ST8SIA5: variants seen among roughly 807,000 people sequenced by gnomAD.
ST8SIA5 encodes ST8 alpha-N-acetyl-neuraminide alpha-2,8-sialyltransferase 5, also known as alpha-2,8-sialyltransferase 8E.
A neutral mutation model predicts 40.2 loss-of-function variants in ST8SIA5; 24 were observed. That is an observed-to-expected ratio of 0.60 (90% confidence interval 0.43 to 0.84). The LOEUF (loss-of-function observed/expected upper bound fraction) is 0.84, where lower values mean the gene tolerates loss of function less well. ST8SIA5 is among the 40% of genes least tolerant of loss of function. The pLI, the probability that ST8SIA5 is intolerant of heterozygous loss-of-function variation, is 0.00. For missense variants in ST8SIA5, 465 were observed against 498.5 expected (o/e 0.93, Z 0.64); for synonymous variants, 198 against 201.8 (o/e 0.98, Z 0.16).
chr18:46,676,409 C>T lies in ST8SIA5; in HGVS notation c.*3633G>A, dbSNP rs928795415. ...CACCATGCCTGGCACAACATGAGCA[C>T]TCAATAAATATAATTTATTCACCAA... On this transcript the variant is annotated 3_prime_UTR_variant, in exon 7 of 7. Transcript: ENST00000315087. 5 of 152,276 alleles carry T rather than the reference C, an allele frequency of 3.3e-5. No homozygotes were observed. Among genetic ancestry groups the T allele is most frequent in the African/African-American group, 1.2e-4 (5 of 41,464 alleles). The allele number at this position is 152,276 out of a possible 1,614,324, so 9.4% of individuals were successfully genotyped here.
chr18:46,704,053 A>G (rs1378656194), intron 2 of ST8SIA5, among the ~76,000 whole-genome samples: 1 of 152,222 alleles, frequency 6.6e-6, no homozygotes, highest in East Asian at 1.9e-4. Flanking sequence ...AAGGATACCC[A>G]AAGCCACATC....
intron 1 of ST8SIA5, among the ~76,000 whole-genome samples, chr18:46,727,279 TCAGCTTTTCTCTGTTGTGTG>T (rs1249727630): frequency 6.6e-6 from 1 of 152,242 alleles, no homozygotes; most frequent in African/African-American, 2.4e-5. Flanking sequence ...TTATGGAGGC[TCAGCTTTTCTCTGTTGTGTG>T]GTTATTGCTG....
In ST8SIA5 at chr18:46,717,141, C is replaced by T. The variant is rs370583384; in HGVS notation, c.132-12477G>A. Among the ~76,000 whole-genome samples, 3 of 152,330 alleles carry T rather than the reference C, an allele frequency of 2.0e-5. No individual in the cohort carries two copies. In the East Asian group the frequency reaches 5.8e-4, roughly 29 times the overall value. Reference sequence around the variant, plus strand: ...ATCACCATGAGGGCACCGCTGCCTCCCCCTGCTCTCTGAGCAGTTGCTGGG... The same window carrying T: ...ATCACCATGAGGGCACCGCTGCCTCTCCCTGCTCTCTGAGCAGTTGCTGGG... On this transcript the variant is annotated intron_variant, in intron 1 of 6. Coordinates refer to ENST00000315087, the MANE Select transcript of ST8SIA5 (RefSeq NM_013305.6).
At chr18:46,705,657 C>A (rs1402942697) in intron 1 of ST8SIA5, among the ~76,000 whole-genome samples, 1 of 152,254 alleles carries the variant, frequency 6.6e-6, no homozygotes, top group African/African-American at 2.4e-5. Flanking sequence ...GCCCGGTGAG[C>A]CCTCTCCTCA....
chr18:46,719,674 C>CTT (rs1568267688), intron 1 of ST8SIA5, among the ~76,000 whole-genome samples: 3 of 151,000 alleles, frequency 2.0e-5, no homozygotes, highest in African/African-American at 7.3e-5. Flanking sequence ...CTTTCTCTTT[C>CTT]TTTTCTTTTT....
intron 1 of ST8SIA5, among the ~76,000 whole-genome samples, chr18:46,724,577 A>G (rs2039895452): frequency 1.3e-5 from 2 of 152,088 alleles, no homozygotes; most frequent in Admixed American, 6.5e-5. Flanking sequence ...CTTGGAGAAA[A>G]TTTGGGTTTG....
rs2040250938 is a variant in ST8SIA5, at chr18:46,756,576, C to T, written c.-68G>A. 6.6e-7 allele frequency: 1 copy of T among 1,524,628 alleles called. No individual in the cohort carries two copies. The highest frequency in any genetic ancestry group is 8.8e-7 in the Non-Finnish European group (1 of 1,137,870). 94.4% of individuals were successfully genotyped at this position (1,524,628 alleles called of 1,614,324 possible). ...GGCAATGACTCGCGGGGTTCCGGGG[C>T]CCCGGGGGGCGCGCGGCCGACTTGG... On this transcript the variant is annotated 5_prime_UTR_variant, in exon 1 of 7. Coordinates refer to ENST00000315087, the MANE Select transcript of ST8SIA5 (RefSeq NM_013305.6).
chr18:46,680,576 A>G (rs1281488838), intron 6 of ST8SIA5, 66 bp from the exon 7 acceptor site: 39 of 1,452,636 alleles, frequency 2.7e-5, no homozygotes, highest in Non-Finnish European at 3.5e-5. Flanking sequence ...TCGCTTCCCC[A>G]CCCTTGCACC....
intron 1 of ST8SIA5, among the ~76,000 whole-genome samples, chr18:46,721,946 T>C (rs2039868347): frequency 6.6e-6 from 1 of 152,326 alleles, no homozygotes. Context: ...CACATGCTTA[T>C]CTTCACTCCT....
At chr18:46,748,547 C>T (rs2040164410) in intron 1 of ST8SIA5, among the ~76,000 whole-genome samples, 2 of 98,736 alleles carry the variant, frequency 2.0e-5, no homozygotes, top group South Asian at 7.2e-4. Flanking sequence ...CTGGGCAAAA[C>T]TTCCTCTCAA....
chr18:46,719,704 T>TTCTTTCTTTCTTTCTTTCTC (rs760988683), intron 1 of ST8SIA5, among the ~76,000 whole-genome samples: 34 of 143,982 alleles, frequency 2.4e-4, no homozygotes, highest in South Asian at 1.8e-3. Context: ...CTTTCTTTCT[T>TTCTTTCTTTCTTTCTTTCTC]TCTCTCTTTC....
At chr18:46,700,393 C>T (rs2039600296) in intron 2 of ST8SIA5, among the ~76,000 whole-genome samples, 1 of 152,208 alleles carries the variant, frequency 6.6e-6, no homozygotes, top group South Asian at 2.1e-4. Context: ...TTAACCTTTT[C>T]CCAAAGACTG....
At chr18:46,703,186 C>A (rs1282109112) in intron 2 of ST8SIA5, among the ~76,000 whole-genome samples, 1 of 152,188 alleles carries the variant, frequency 6.6e-6, no homozygotes, top group Non-Finnish European at 1.5e-5. Context: ...CGCTCTGTCA[C>A]CCAGGCTGGA....
chr18:46,686,971 G>A (rs1456367139), intron 4 of ST8SIA5, among the ~76,000 whole-genome samples: 1 of 152,174 alleles, frequency 6.6e-6, no homozygotes, highest in East Asian at 1.9e-4. Context: ...CACAGAATCA[G>A]AGTCTCACAG....
intron 2 of ST8SIA5, among the ~76,000 whole-genome samples, chr18:46,696,922 G>A (rs1269229632): frequency 6.6e-6 from 1 of 152,128 alleles, no homozygotes; most frequent in Non-Finnish European, 1.5e-5. Flanking sequence ...AGTACCTAGA[G>A]CCAATCTGCA....
chr18:46,712,438 G>C (rs1463411891), intron 1 of ST8SIA5, among the ~76,000 whole-genome samples: 1 of 152,126 alleles, frequency 6.6e-6, no homozygotes, highest in African/African-American at 2.4e-5. Context: ...CTCCCCCCTG[G>C]GGGAGTCTCT....
rs1555696955 is a variant in ST8SIA5 at position 46,725,972 on chromosome 18, A to AAT, written c.132-21310_132-21309dup. On this transcript the variant is annotated intron_variant, in intron 1 of 6. Coordinates refer to ENST00000315087, the MANE Select transcript of ST8SIA5 (RefSeq NM_013305.6). ...CCCATCTCTACTTAAAAAAAAAAAA[A>AAT]ATATATATATATATATATATATATA... Among the ~76,000 whole-genome samples the AAT allele has an allele frequency of 8.1e-3, 234 of 29,068 alleles. 10 individuals carry two copies. Among genetic ancestry groups the AAT allele is most frequent in the Non-Finnish European group, 0.01 (172 of 16,762 alleles). 19.1% of individuals were successfully genotyped at this position (29,068 alleles called of 152,430 possible). A position where few individuals can be genotyped will look rare whatever the true frequency, so the allele number is the denominator to read the frequency against.
chr18:46,700,502 C>A (rs535100392), intron 2 of ST8SIA5, among the ~76,000 whole-genome samples: 19 of 152,204 alleles, frequency 1.2e-4, no homozygotes, highest in Non-Finnish European at 2.6e-4. Flanking sequence ...AGATCAGAGG[C>A]CGGCCTCTGC....
At chr18:46,696,872 A>C (rs772518714) in intron 2 of ST8SIA5, among the ~76,000 whole-genome samples, 38 of 152,202 alleles carry the variant, frequency 2.5e-4, no homozygotes, top group Non-Finnish European at 5.1e-4. Context: ...AGTGTATGGA[A>C]GTACAAGAGA....
Sources: allele counts gnomAD v4.1 joint callset (sites outside exome capture counted in the v4.1 genomes callset), GRCh38; gene constraint gnomAD v4.1.1; transcripts MANE v1.5; gene names NCBI Gene and HGNC (gene_info 2026-07-23, HGNC 2026-07-21).